The following DLG2 variants were observed in gnomAD, a reference collection of about 807,000 sequenced individuals.
The protein encoded by DLG2 is disks large homolog 2.
Under a neutral mutation model 132.5 loss-of-function variants are expected in DLG2, and 45 were observed. The ratio of observed to expected loss-of-function variants is 0.34; its 90% CI spans 0.27 to 0.44. The LOEUF is 0.44. Ranked by LOEUF, DLG2 falls within the 20% of genes least tolerant of loss-of-function variation. The pLI, the probability that DLG2 is intolerant of heterozygous loss-of-function variation, is 1.00. For synonymous variants in DLG2, 424 were observed against 419.6 expected, an observed-to-expected ratio of 1.01 and a Z score of -0.13; for missense variants, 1,045 against 1,196.9, an observed-to-expected ratio of 0.87 and a Z score of 1.87.
rs1271628807 is a variant in DLG2 at position 85,058,902 on chromosome 11, A to T, written c.357+52759T>A. ...TTTAGATCTAAATGTGAAAAATTCT[A>T]AGAGAGAACATAAAAAATATTTTAA... On this transcript the variant is annotated intron_variant, in intron 6 of 27. Coordinates refer to ENST00000376104, the MANE Select transcript of DLG2 (RefSeq NM_001142699.3). 2.0e-5 allele frequency among the ~76,000 whole-genome samples: 3 copies of T among 151,490 alleles called. No individual in the cohort carries two copies. The East Asian group carries it at 5.8e-4, about 29-fold the overall frequency.
intron 7 of DLG2, among the ~76,000 whole-genome samples, chr11:84,404,066 G>A (rs2098840039): frequency 6.6e-6 from 1 of 151,904 alleles, no homozygotes; most frequent in Admixed American, 6.6e-5. Flanking sequence ...ATTTCAAATT[G>A]TATTATTGCT....
At chr11:84,618,245 A>G (rs750778893) in intron 6 of DLG2, among the ~76,000 whole-genome samples, 3 of 152,030 alleles carry the variant, frequency 2.0e-5, no homozygotes, top group Non-Finnish European at 4.4e-5. Context: ...TGCTTTTACT[A>G]AAGGGATTGT....
chr11:84,308,074 A>C (rs536929446), intron 7 of DLG2, among the ~76,000 whole-genome samples: 67 of 152,044 alleles, frequency 4.4e-4, no homozygotes, highest in Middle Eastern at 6.8e-3. Flanking sequence ...GCAGAAGTAG[A>C]CCCCAGCAGG....
At chr11:84,639,603 A>G (rs7951686) in intron 6 of DLG2, among the ~76,000 whole-genome samples, 10,577 of 152,170 alleles carry the variant, frequency 0.07, 474 homozygotes, top group South Asian at 0.18. Context: ...CTAAAACCCA[A>G]TGCTCCTCAA....
intron 4 of DLG2, among the ~76,000 whole-genome samples, chr11:85,166,517 C>T (rs546355095): frequency 6.6e-6 from 1 of 152,096 alleles, no homozygotes; most frequent in East Asian, 1.9e-4. Flanking sequence ...ACAGCCTGTG[C>T]TGATCCTCTT....
chr11:84,780,826 G>T (rs1254999268), intron 6 of DLG2, among the ~76,000 whole-genome samples: 2 of 151,822 alleles, frequency 1.3e-5, no homozygotes, highest in African/African-American at 4.8e-5. Context: ...CTTCTTCCAG[G>T]TATATTCATC....
chr11:85,072,869 T>TTTGA (rs1179559634), intron 6 of DLG2, among the ~76,000 whole-genome samples: 2 of 151,884 alleles, frequency 1.3e-5, no homozygotes, highest in East Asian at 3.9e-4. Flanking sequence ...CATTTCATCA[T>TTTGA]TTGATAGCAT....
At chr11:84,295,048 TA>T (rs2098070283) in intron 7 of DLG2, among the ~76,000 whole-genome samples, 1 of 152,184 alleles carries the variant, frequency 6.6e-6, no homozygotes, top group Non-Finnish European at 1.5e-5. Flanking sequence ...TTCTGAGCTG[TA>T]TAATTACCTA....
chr11:83,837,211 C>A (rs1378163637), intron 16 of DLG2, among the ~76,000 whole-genome samples: 3 of 152,098 alleles, frequency 2.0e-5, no homozygotes, highest in Non-Finnish European at 4.4e-5. Flanking sequence ...AGTTAAGCTT[C>A]TTGCTGGTTC....
At position 84,829,355 on chromosome 11, in the gene DLG2, T is replaced by C. The variant is rs1046664245; in HGVS notation, c.357+282306A>G. ...TGCCTGAAGACTTTCACAGCCACCA[T>C]AGGGGCTGTTTCTTTAGCCTGGATA... is the stretch of plus-strand genomic sequence containing the variant. On this transcript the variant is annotated intron_variant, in intron 6 of 27. Coordinates refer to ENST00000376104, the MANE Select transcript of DLG2 (RefSeq NM_001142699.3). Among the ~76,000 whole-genome samples, 7 of 151,836 alleles carry C rather than the reference T, an allele frequency of 4.6e-5. No homozygotes were observed. In the South Asian group the frequency reaches 8.3e-4, roughly 18 times the overall value.
At chr11:84,823,780 T>A (rs141186316) in intron 6 of DLG2, among the ~76,000 whole-genome samples, 139 of 151,998 alleles carry the variant, frequency 9.1e-4, no homozygotes, top group African/African-American at 3.3e-3. Context: ...AGAACATAAG[T>A]CATTTGAATA....
chr11:84,677,072 A>G (rs1197297222), intron 6 of DLG2, among the ~76,000 whole-genome samples: 5 of 152,074 alleles, frequency 3.3e-5, no homozygotes, highest in Non-Finnish European at 7.4e-5. Context: ...ACAGACATCC[A>G]TTGAAAGAGA....
At chr11:84,107,621 C>A (rs2093058087) in intron 9 of DLG2, among the ~76,000 whole-genome samples, 1 of 152,070 alleles carries the variant, frequency 6.6e-6, no homozygotes, top group African/African-American at 2.4e-5. Context: ...CAGCATAACT[C>A]AGCCATGGGT....
At chr11:83,852,722 G>A (rs2059974451) in intron 16 of DLG2, among the ~76,000 whole-genome samples, 1 of 152,154 alleles carries the variant, frequency 6.6e-6, no homozygotes, top group African/African-American at 2.4e-5. Context: ...TGTTTTACCA[G>A]CTACAAGTTC....
At chr11:84,076,423 T>C (rs139538843) in intron 10 of DLG2, among the ~76,000 whole-genome samples, 4 of 152,320 alleles carry the variant, frequency 2.6e-5, no homozygotes, top group Middle Eastern at 3.4e-3. Context: ...ATCTTCTGTT[T>C]CATTGTTAAA....
chr11:84,003,297 A>C (rs970377185), intron 11 of DLG2, among the ~76,000 whole-genome samples: 1 of 152,128 alleles, frequency 6.6e-6, no homozygotes, highest in African/African-American at 2.4e-5. Context: ...TGAGCCCTCA[A>C]AACTTTTCCA....
At chr11:84,930,481 C>T (rs2047956428) in intron 6 of DLG2, among the ~76,000 whole-genome samples, 1 of 152,100 alleles carries the variant, frequency 6.6e-6, no homozygotes, top group South Asian at 2.1e-4. Context: ...GTTCTTTGAA[C>T]AACCTCCTCC....
At chr11:85,447,024 T>C (rs1000439593) in intron 3 of DLG2, among the ~76,000 whole-genome samples, 2 of 152,120 alleles carry the variant, frequency 1.3e-5, no homozygotes, top group Non-Finnish European at 2.9e-5. Context: ...TGGTCATAAG[T>C]TGAAAATATT....
chr11:84,728,796 A>G (rs1001712174), intron 6 of DLG2, among the ~76,000 whole-genome samples: 4 of 152,154 alleles, frequency 2.6e-5, no homozygotes, highest in African/African-American at 9.7e-5. Context: ...CAGGGATTCA[A>G]CTTCTTCCTG....
Sources: gnomAD v4.1 joint callset for allele counts (sites outside exome capture counted in the v4.1 genomes callset) on GRCh38, gnomAD v4.1.1 for gene constraint, MANE v1.5 for transcripts, NCBI Gene and HGNC (gene_info 2026-07-23, HGNC 2026-07-21) for gene names.